Variants in CCDC73 observed in about 807,000 individuals in gnomAD.
The protein encoded by CCDC73 is coiled-coil domain containing 73, also known as coiled-coil domain-containing protein 73.
A neutral mutation model predicts 116.5 loss-of-function variants in CCDC73; 95 were observed. That is an observed-to-expected ratio of 0.82 (90% CI 0.69 to 0.97). The LOEUF (loss-of-function observed/expected upper bound fraction) is 0.97. CCDC73 is among the 50% of genes least tolerant of loss of function. CCDC73 has a pLI of 0.00. For missense variants in CCDC73, 1,066 were observed against 1,206.8 expected (o/e 0.88, Z 1.73); for synonymous variants, 398 against 401.3 (o/e 0.99, Z 0.10).
chr11:32,658,027 A>G (rs1477186526), intron 9 of CCDC73, among the ~76,000 whole-genome samples: 4 of 151,336 alleles, frequency 2.6e-5, no homozygotes, highest in African/African-American at 9.7e-5. Flanking sequence ...TCTCTTTAAA[A>G]AAAAAAAAGA....
intron 14 of CCDC73, among the ~76,000 whole-genome samples, chr11:32,635,065 A>G (rs2133242128): frequency 6.6e-6 from 1 of 152,340 alleles, no homozygotes; most frequent in East Asian, 1.9e-4. Context: ...TTAACCTAAA[A>G]TTTCCAAGAC....
At chr11:32,776,244 C>G (rs1850531344) in intron 1 of CCDC73, among the ~76,000 whole-genome samples, 1 of 152,098 alleles carries the variant, frequency 6.6e-6, no homozygotes. Flanking sequence ...TTATAATCAC[C>G]TTTTCCTGTT....
At chr11:32,711,588 C>T (rs1849901193) in intron 3 of CCDC73, among the ~76,000 whole-genome samples, 1 of 152,060 alleles carries the variant, frequency 6.6e-6, no homozygotes, top group South Asian at 2.1e-4. Flanking sequence ...AAGAATAATA[C>T]ATTGGACTTT....
intron 14 of CCDC73, among the ~76,000 whole-genome samples, chr11:32,633,078 G>A (rs934679793): frequency 8.5e-5 from 13 of 152,106 alleles, no homozygotes; most frequent in African/African-American, 2.2e-4. Context: ...TTCCTGAGAC[G>A]GAGTCTCACT....
chr11:32,652,571 G>T (rs188140163), intron 12 of CCDC73, among the ~76,000 whole-genome samples: 8 of 152,276 alleles, frequency 5.3e-5, no homozygotes, highest in African/African-American at 1.4e-4. Context: ...TGCTAGGGAT[G>T]TAAGAGAAAA....
chr11:32,638,303 C>G (rs928578862), intron 13 of CCDC73, among the ~76,000 whole-genome samples: 1 of 152,148 alleles, frequency 6.6e-6, no homozygotes, highest in African/African-American at 2.4e-5. Flanking sequence ...TTGTTTTAAA[C>G]CCTTCAATGG....
At position 32,657,454 on chromosome 11, in the gene CCDC73, G is replaced by C. The variant is rs376648802; in HGVS notation, c.646-2482C>G. Among the ~76,000 whole-genome samples, 38 of 152,302 alleles carry C rather than the reference G, an allele frequency of 2.5e-4. 1 individual carries two copies. Among genetic ancestry groups the C allele is most frequent in the Middle Eastern group, 3.4e-3 (1 of 294 alleles). ...GGAATGAACCAAAGTTTGAATGAAG[G>C]GGGTAGACCTTGAGCTGGGCCTTGA... On this transcript the variant is annotated intron_variant, in intron 9 of 17. Coordinates refer to ENST00000335185, the MANE Select transcript of CCDC73 (RefSeq NM_001008391.4).
chr11:32,637,831 C>A (rs2133245647), intron 13 of CCDC73, among the ~76,000 whole-genome samples: 1 of 152,238 alleles, frequency 6.6e-6, no homozygotes, highest in Non-Finnish European at 1.5e-5. Context: ...GCTAATAAAT[C>A]TTAAATCTAT....
At chr11:32,730,878 C>T (rs999368140) in intron 2 of CCDC73, among the ~76,000 whole-genome samples, 6 of 152,194 alleles carry the variant, frequency 3.9e-5, no homozygotes, top group Non-Finnish European at 7.3e-5. Flanking sequence ...TCTGCATTTC[C>T]AACTGAGGTA....
At chr11:32,618,710 G>A (rs887884090) in intron 14 of CCDC73, among the ~76,000 whole-genome samples, 4 of 152,010 alleles carry the variant, frequency 2.6e-5, no homozygotes, top group African/African-American at 9.7e-5. Flanking sequence ...GTGCTGCTGT[G>A]CCCAGATAAT....
At chr11:32,684,826 G>A (rs1235606563) in intron 6 of CCDC73, among the ~76,000 whole-genome samples, 5 of 151,988 alleles carry the variant, frequency 3.3e-5, no homozygotes, top group Non-Finnish European at 5.9e-5. Context: ...ACAAACAAGC[G>A]AAACTTAGCT....
At chr11:32,617,043 G>A (rs1270419482) in intron 14 of CCDC73, among the ~76,000 whole-genome samples, 1 of 152,178 alleles carries the variant, frequency 6.6e-6, no homozygotes, top group African/African-American at 2.4e-5. Flanking sequence ...CGATACTTAA[G>A]AGCAAGCAAG....
At chr11:32,731,555 T>G (rs1267419006) in intron 2 of CCDC73, among the ~76,000 whole-genome samples, 1 of 152,188 alleles carries the variant, frequency 6.6e-6, no homozygotes, top group East Asian at 1.9e-4. Context: ...TGTGCCCCTC[T>G]GAGACGAAGC....
At chr11:32,640,262 C>G (rs1279098920) in intron 13 of CCDC73, among the ~76,000 whole-genome samples, 2 of 152,146 alleles carry the variant, frequency 1.3e-5, no homozygotes, top group African/African-American at 4.8e-5. Flanking sequence ...ATAAAACCGA[C>G]TTTATCCACA....
At chr11:32,763,180 A>G (rs1057238059) in intron 1 of CCDC73, among the ~76,000 whole-genome samples, 2 of 152,250 alleles carry the variant, frequency 1.3e-5, no homozygotes, top group African/African-American at 4.8e-5. Flanking sequence ...GGCAAGGCAT[A>G]GCCGAACAAA....
chr11:32,753,583 G>A (rs184496728), intron 2 of CCDC73, among the ~76,000 whole-genome samples: 56 of 152,158 alleles, frequency 3.7e-4, no homozygotes, highest in Admixed American at 3.3e-3. Context: ...TTCTGCCTCA[G>A]CCTCCCGAGT....
chr11:32,709,347 A>T (rs1441892205), intron 3 of CCDC73, among the ~76,000 whole-genome samples: 1 of 151,992 alleles, frequency 6.6e-6, no homozygotes, highest in African/African-American at 2.4e-5. Context: ...TGCCCAGGCT[A>T]GAGTGCAGTA....
At chr11:32,731,425 G>T (rs185053946) in intron 2 of CCDC73, among the ~76,000 whole-genome samples, 1 of 152,302 alleles carries the variant, frequency 6.6e-6, no homozygotes, top group African/African-American at 2.4e-5. Context: ...GAAGAGAGTA[G>T]TCGTTCTCCC....
chr11:32,764,290 C>A (rs1850420466), intron 1 of CCDC73, among the ~76,000 whole-genome samples: 1 of 152,150 alleles, frequency 6.6e-6, no homozygotes, highest in Admixed American at 6.5e-5. Context: ...TCGAGAAGAG[C>A]AACTCCAAGA....
Sources: gnomAD v4.1 joint callset for allele counts (sites outside exome capture counted in the v4.1 genomes callset) on GRCh38, gnomAD v4.1.1 for gene constraint, MANE v1.5 for transcripts, NCBI Gene and HGNC (gene_info 2026-07-23, HGNC 2026-07-21) for gene names.